Variants in FARS2 observed in about 807,000 individuals in gnomAD.
FARS2 encodes the protein phenylalanine--tRNA ligase, mitochondrial.
FARS2 carries 40 observed loss-of-function variants against 46.4 expected under a neutral mutation model. That is an observed-to-expected ratio of 0.86 (90% CI 0.67 to 1.12). The LOEUF (loss-of-function observed/expected upper bound fraction) is 1.12, where lower values mean the gene tolerates loss of function less well. Ranked by LOEUF, FARS2 falls within the 50% of genes most tolerant of loss-of-function variation. The pLI is 0.00. For synonymous variants in FARS2, 234 were observed against 214.9 expected, an observed-to-expected ratio of 1.09 and a Z score of -0.78; for missense variants, 513 against 567.9, an observed-to-expected ratio of 0.90 and a Z score of 0.98.
intron 6 of FARS2, among the ~76,000 whole-genome samples, chr6:5,636,674 T>C (rs1776560558): frequency 6.6e-6 from 1 of 152,196 alleles, no homozygotes; most frequent in Non-Finnish European, 1.5e-5. Context: ...GAAGTCCCCA[T>C]TTCTGTGCCT....
intron 6 of FARS2, among the ~76,000 whole-genome samples, chr6:5,624,361 C>G (rs1775926896): frequency 6.6e-6 from 1 of 152,070 alleles, no homozygotes; most frequent in Admixed American, 6.6e-5. Context: ...TCCTTGTTGC[C>G]CTGCACATCA....
At chr6:5,425,415 C>T (rs539897855) in intron 3 of FARS2, among the ~76,000 whole-genome samples, 8 of 152,094 alleles carry the variant, frequency 5.3e-5, no homozygotes, top group African/African-American at 9.6e-5. Flanking sequence ...AGATCCTTAA[C>T]GAAGGTGGGA....
intron 1 of FARS2, among the ~76,000 whole-genome samples, chr6:5,275,673 G>C (rs1303483963): frequency 6.6e-6 from 1 of 152,088 alleles, no homozygotes; most frequent in Non-Finnish European, 1.5e-5. Context: ...CCACAGCACA[G>C]ATTCTGTTGC....
intron 6 of FARS2, among the ~76,000 whole-genome samples, chr6:5,746,262 G>GATGGCCAC (rs1242162291): frequency 6.6e-5 from 10 of 152,236 alleles, no homozygotes; most frequent in Admixed American, 5.2e-4. Context: ...ACAGTGACAC[G>GATGGCCAC]ATGGCCACGT....
chr6:5,651,807 T>A (rs558707198), intron 6 of FARS2, among the ~76,000 whole-genome samples: 3 of 152,184 alleles, frequency 2.0e-5, no homozygotes, highest in Admixed American at 6.5e-5. Flanking sequence ...ATTGAGGCAC[T>A]CAGTGCTTAA....
intron 6 of FARS2, among the ~76,000 whole-genome samples, chr6:5,752,089 A>G (rs1035936597): frequency 6.6e-6 from 1 of 152,118 alleles, no homozygotes; most frequent in Non-Finnish European, 1.5e-5. Flanking sequence ...TAAGTGATTT[A>G]TACGAAACAC....
chr6:5,345,911 C>T, intron 1 of FARS2, among the ~76,000 whole-genome samples: 1 of 152,156 alleles, frequency 6.6e-6, no homozygotes, highest in Non-Finnish European at 1.5e-5. Flanking sequence ...TCCTATAAAG[C>T]ACAGACCTTA....
intron 1 of FARS2, among the ~76,000 whole-genome samples, chr6:5,341,882 G>A (rs1038511538): frequency 1.8e-4 from 28 of 152,156 alleles, no homozygotes; most frequent in Middle Eastern, 3.4e-3. Flanking sequence ...TAAGAGGAAG[G>A]TAAAAAAAAT....
At chr6:5,752,913 G>C (rs1762029279) in intron 6 of FARS2, among the ~76,000 whole-genome samples, 1 of 152,070 alleles carries the variant, frequency 6.6e-6, no homozygotes. Context: ...GTCTTAGGAA[G>C]GGACAGTGTG....
chr6:5,758,384 A>G (rs573656250), intron 6 of FARS2, among the ~76,000 whole-genome samples: 5 of 152,334 alleles, frequency 3.3e-5, no homozygotes, highest in African/African-American at 1.2e-4. Context: ...TCCCTTTTAT[A>G]GTGATACATT....
intron 5 of FARS2, among the ~76,000 whole-genome samples, chr6:5,575,180 C>A (rs1176071712): frequency 3.3e-5 from 5 of 152,176 alleles, no homozygotes; most frequent in African/African-American, 1.2e-4. Flanking sequence ...AGTGAAACCA[C>A]CACCATAAAG....
chr6:5,535,269 A>G (rs971562489), intron 4 of FARS2, among the ~76,000 whole-genome samples: 6 of 152,170 alleles, frequency 3.9e-5, no homozygotes, highest in African/African-American at 1.2e-4. Flanking sequence ...TGTAAATGCA[A>G]TTGTTTTCTT....
chr6:5,474,914 TC>T (rs1766032707), intron 4 of FARS2, among the ~76,000 whole-genome samples: 1 of 152,128 alleles, frequency 6.6e-6, no homozygotes, highest in Non-Finnish European at 1.5e-5. Flanking sequence ...CACCTCGGCC[TC>T]CCAAAGTACT....
Position 5,338,692 on chromosome 6 carries a change from T to C in FARS2, c.-21-29858T>C, listed in dbSNP as rs561752535. On this transcript the variant is annotated intron_variant, in intron 1 of 6. Transcript: ENST00000274680. The stretch of plus-strand genomic sequence containing the variant: ...TGGCATTCTCTATGGCATTTAGTAG[T>C]CTGTAGCTTTCATTCTGTGTATGTG... Among the ~76,000 whole-genome samples the C allele has an allele frequency of 4.6e-5, 7 of 152,160 alleles. No homozygotes were observed. The East Asian group carries it at 1.4e-3, about 29-fold the overall frequency.
intron 2 of FARS2, among the ~76,000 whole-genome samples, chr6:5,398,137 G>A (rs1409884324): frequency 1.3e-5 from 2 of 152,136 alleles, no homozygotes; most frequent in Non-Finnish European, 2.9e-5. Context: ...GTGTTTGCAG[G>A]AAGATACTTT....
At chr6:5,624,633 C>T (rs777473289) in intron 6 of FARS2, among the ~76,000 whole-genome samples, 3 of 152,188 alleles carry the variant, frequency 2.0e-5, no homozygotes, top group Non-Finnish European at 4.4e-5. Context: ...GCATCCTGGG[C>T]ACCTTTTTGT....
At chr6:5,716,402 C>T (rs1407197142) in intron 6 of FARS2, among the ~76,000 whole-genome samples, 2 of 152,108 alleles carry the variant, frequency 1.3e-5, no homozygotes, top group African/African-American at 4.8e-5. Context: ...CCTACCCATT[C>T]CCCTGAGCTT....
intron 5 of FARS2, among the ~76,000 whole-genome samples, chr6:5,568,970 T>C (rs953677050): frequency 2.0e-5 from 3 of 151,786 alleles, no homozygotes; most frequent in African/African-American, 4.8e-5. Context: ...AGAGGCAGAG[T>C]GACCCTATGG....
intron 6 of FARS2, among the ~76,000 whole-genome samples, chr6:5,651,099 A>G (rs1777337916): frequency 6.6e-6 from 1 of 152,240 alleles, no homozygotes; most frequent in Non-Finnish European, 1.5e-5. Flanking sequence ...GTATAAAGTA[A>G]TTAGAGACTA....
Sources: gnomAD v4.1 joint callset for allele counts (sites outside exome capture counted in the v4.1 genomes callset) on GRCh38, gnomAD v4.1.1 for gene constraint, MANE v1.5 for transcripts, NCBI Gene and HGNC (gene_info 2026-07-23, HGNC 2026-07-21) for gene names.